Variants in LRRC7 observed in about 807,000 individuals in gnomAD.
LRRC7 encodes the protein leucine-rich repeat-containing protein 7.
Under a neutral mutation model 175.7 loss-of-function variants are expected in LRRC7, and 23 were observed. That is an observed-to-expected ratio of 0.13 (90% CI 0.09 to 0.19). LRRC7 has a LOEUF of 0.19. Ranked by LOEUF, LRRC7 falls within the 10% of genes least tolerant of loss-of-function variation. The probability of loss-of-function intolerance (pLI) is 1.00; values close to 1 mark genes in which losing one functional copy is unlikely to be tolerated. For synonymous variants in LRRC7, 685 were observed against 680.9 expected (o/e 1.01, Z -0.09); for missense variants, 1,354 against 1,904.7 (o/e 0.71, Z 5.38).
intron 22 of LRRC7, among the ~76,000 whole-genome samples, chr1:70,052,215 C>T (rs59199273): frequency 0.13 from 19,443 of 151,956 alleles, 1,711 homozygotes; most frequent in African/African-American, 0.24. Flanking sequence ...CATCCCTCCA[C>T]TGGAGGCTTT....
intron 7 of LRRC7, among the ~76,000 whole-genome samples, chr1:69,899,708 C>G (rs1646080018): frequency 6.6e-6 from 1 of 152,298 alleles, no homozygotes; most frequent in East Asian, 1.9e-4. Context: ...GTAGTTTCAA[C>G]AGGTGGGGCT....
intron 1 of LRRC7, among the ~76,000 whole-genome samples, chr1:69,621,354 T>G (rs1650569849): frequency 6.6e-6 from 1 of 152,162 alleles, no homozygotes; most frequent in South Asian, 2.1e-4. Context: ...CCTCTTGTAT[T>G]TCTTTATAGA....
chr1:69,638,597 C>T (rs1313907461), intron 1 of LRRC7, among the ~76,000 whole-genome samples: 1 of 151,520 alleles, frequency 6.6e-6, no homozygotes, highest in Non-Finnish European at 1.5e-5. Context: ...TCAATTAAGC[C>T]AAGAGCACTC....
At chr1:70,055,946 G>C (rs1347482593) in intron 23 of LRRC7, among the ~76,000 whole-genome samples, 1 of 152,164 alleles carries the variant, frequency 6.6e-6, no homozygotes, top group Non-Finnish European at 1.5e-5. Flanking sequence ...ATAGATAAAA[G>C]TTCCAAGGTT....
chr1:69,753,323 T>TGC (rs1202070684), intron 2 of LRRC7, among the ~76,000 whole-genome samples: 1 of 151,308 alleles, frequency 6.6e-6, no homozygotes, highest in Non-Finnish European at 1.5e-5. Flanking sequence ...TGTGTGTGTG[T>TGC]GTTAGAACTA....
chr1:70,121,890 A>G lies in LRRC7; in HGVS notation c.*3A>G. ...TTCAACGTGAGCTTACTGTCTAAAT[A>G]TTTTTTATAAATAGTGAAGATACGT... On this transcript the variant is annotated 3_prime_UTR_variant, in exon 27 of 27. Coordinates refer to ENST00000651989, the MANE Select transcript of LRRC7 (RefSeq NM_001370785.2). The G allele has an allele frequency of 6.4e-7, 1 of 1,571,054 alleles. No individual in the cohort carries two copies. The highest frequency in any genetic ancestry group is 8.7e-7 in the Non-Finnish European group (1 of 1,143,172).
chr1:69,898,561 C>T (rs1009370911), intron 7 of LRRC7, among the ~76,000 whole-genome samples: 12 of 152,194 alleles, frequency 7.9e-5, no homozygotes, highest in African/African-American at 2.4e-4. Context: ...ATTGCAACAG[C>T]ACCAAACACT....
chr1:69,737,490 C>T (rs113463827), intron 2 of LRRC7, among the ~76,000 whole-genome samples: 16 of 152,162 alleles, frequency 1.1e-4, no homozygotes, highest in Non-Finnish European at 2.1e-4. Context: ...GGTATTTCTT[C>T]ATAGCAATAT....
intron 2 of LRRC7, among the ~76,000 whole-genome samples, chr1:69,752,902 T>G (rs1303388530): frequency 6.6e-6 from 1 of 152,118 alleles, no homozygotes; most frequent in African/African-American, 2.4e-5. Flanking sequence ...TTCTTGCCTT[T>G]TTTAATCCCT....
At position 70,109,565 on chromosome 1, in the gene LRRC7, A is replaced by T. The variant is rs1328605680; in HGVS notation, c.4620+1739A>T. 2.0e-5 allele frequency among the ~76,000 whole-genome samples: 3 copies of T among 152,032 alleles called. No homozygotes were observed. In the East Asian group the frequency reaches 5.8e-4, roughly 29 times the overall value. On this transcript the variant is annotated intron_variant, in intron 26 of 26. Transcript: ENST00000651989. ...TAATAATCTAAAATTTTCCTTTACC[A>T]CTTTATTATGGAAGTTCTATATTTT... is the stretch of plus-strand genomic sequence containing the variant.
At chr1:69,691,979 A>G (rs1459517466) in intron 2 of LRRC7, among the ~76,000 whole-genome samples, 4 of 152,142 alleles carry the variant, frequency 2.6e-5, no homozygotes, top group African/African-American at 9.7e-5. Context: ...TAAGTAATAA[A>G]GATTTTTATG....
chr1:70,055,916 A>G (rs1338966577), intron 23 of LRRC7, among the ~76,000 whole-genome samples: 2 of 152,212 alleles, frequency 1.3e-5, no homozygotes, highest in Admixed American at 6.5e-5. Context: ...CAATCTTGTG[A>G]TTGGACATAG....
At chr1:69,727,557 C>T (rs1391654045) in intron 2 of LRRC7, among the ~76,000 whole-genome samples, 2 of 152,156 alleles carry the variant, frequency 1.3e-5, no homozygotes, top group Non-Finnish European at 2.9e-5. Flanking sequence ...TAAGTGGATT[C>T]CTATAGCCAC....
At chr1:69,820,667 C>T (rs376623715) in intron 4 of LRRC7, among the ~76,000 whole-genome samples, 1 of 152,116 alleles carries the variant, frequency 6.6e-6, no homozygotes, top group East Asian at 1.9e-4. Flanking sequence ...CAGCTTCATC[C>T]ATGTCCCTGC....
In LRRC7 at chr1:69,906,776, G is replaced by GT. The variant is rs1191001383; in HGVS notation, c.648-24725dup. On this transcript the variant is annotated intron_variant, in intron 7 of 26. Coordinates refer to ENST00000651989, the MANE Select transcript of LRRC7 (RefSeq NM_001370785.2). Reference sequence around the variant, plus strand: ...TTGGTTCCATATGAACTTTAAAGCAGTTTTTTCCAATTCTGTGAAGAAAGT... The same window carrying GT: ...TTGGTTCCATATGAACTTTAAAGCAGTTTTTTTCCAATTCTGTGAAGAAAGT... Among the ~76,000 whole-genome samples the GT allele has an allele frequency of 7.2e-5, 11 of 152,294 alleles. No individual in the cohort carries two copies. In the South Asian group the frequency reaches 2.3e-3, roughly 32 times the overall value.
intron 18 of LRRC7, 49 bp from the exon 19 acceptor site, chr1:70,036,072 C>T: frequency 2.1e-6 from 3 of 1,436,178 alleles, no homozygotes; most frequent in Non-Finnish European, 2.9e-6. Context: ...TTTGGTTAAC[C>T]ATTGTTTAAA....
chr1:69,869,951 A>G (rs1211573592), intron 7 of LRRC7, among the ~76,000 whole-genome samples: 3 of 152,140 alleles, frequency 2.0e-5, no homozygotes, highest in Admixed American at 2.0e-4. Context: ...AACTGTCACT[A>G]TGTCCATTTT....
chr1:69,572,909 A>C (rs1020419710), intron 1 of LRRC7, among the ~76,000 whole-genome samples: 1 of 152,012 alleles, frequency 6.6e-6, no homozygotes, highest in African/African-American at 2.4e-5. Context: ...ATAGCATAGT[A>C]TAATTATGTA....
chr1:70,038,972 A>G lies in LRRC7; in HGVS notation c.3148A>G (p.Ser1050Gly), dbSNP rs760326575. The G allele has an allele frequency of 2.5e-6, 4 of 1,614,028 alleles. No individual in the cohort carries two copies. In the South Asian group the frequency reaches 4.4e-5, roughly 18 times the overall value. The change falls in exon 21 of 27, where the codon AGT (serine) becomes GGT (glycine). Residue 1050 changes from serine to glycine, a missense_variant. By Grantham distance (56) the Ser-to-Gly change is moderately conservative. Coordinates refer to ENST00000651989, the MANE Select transcript of LRRC7 (RefSeq NM_001370785.2). ...GGATGATGAGATGCTCACCTACGGA[A>G]GTAGTAAGGGGCCACAACAACAAAA... ...MLDDEMLTYG[S>G]SKGPQQQKAS...
Sources: allele counts gnomAD v4.1 joint callset (sites outside exome capture counted in the v4.1 genomes callset), GRCh38; gene constraint gnomAD v4.1.1; transcripts MANE v1.5; gene names NCBI Gene and HGNC (gene_info 2026-07-23, HGNC 2026-07-21).